The following PPP1R26 variants were observed in gnomAD, a reference collection of about 807,000 sequenced individuals.
PPP1R26 encodes 1A6/DRIM (down-regulated in metastasis) interacting protein.
In PPP1R26, 22 loss-of-function variants were observed where a neutral mutation model predicts 67.6. The observed-to-expected ratio is 0.33, with a 90% CI of 0.23 to 0.46. The LOEUF (loss-of-function observed/expected upper bound fraction) is 0.46. Among genes scored for constraint, PPP1R26 ranks in the 20% least tolerant of loss-of-function variants. PPP1R26 has a pLI of 1.00. For missense variants in PPP1R26, 1,602 were observed against 1,651.4 expected, an observed-to-expected ratio of 0.97 and a Z score of 0.52; for synonymous variants, 729 against 717.2, an observed-to-expected ratio of 1.02 and a Z score of -0.26.
Position 135,487,271 on chromosome 9 carries a change from A to G in PPP1R26, c.2761A>G (p.Ser921Gly). ...AGCACAGGGCACAGCTGGTCTGTTC[A>G]GCCAGGGCGGGAAGGGGCTCCCTGC... ...AGAQGTAGLF[S>G]QGGKGLPAAP... Residue 921 changes from serine (S) to glycine (G), a missense_variant, in exon 4 of 4, where the codon AGC (serine) becomes GGC (glycine). By Grantham distance (56) the Ser-to-Gly change is moderately conservative (BLOSUM62 0). Transcript: ENST00000356818. 1 of 1,560,122 alleles carries G rather than the reference A, an allele frequency of 6.4e-7. No individual in the cohort carries two copies. The highest frequency in any genetic ancestry group is 8.7e-7 in the Non-Finnish European group (1 of 1,154,060).
At position 135,488,302 on chromosome 9, in the gene PPP1R26, G is replaced by T; in HGVS notation, c.*162G>T. 1.8e-6 allele frequency: 2 copies of T among 1,136,996 alleles called. No individual in the cohort carries two copies. Among genetic ancestry groups the T allele is most frequent in the Non-Finnish European group, 2.3e-6 (2 of 887,608 alleles). 70.4% of individuals were successfully genotyped at this position (1,136,996 alleles called of 1,614,324 possible). ...AACATGAAACTTTTATTTAACAGACGTGTCCTGGTAAATATGATTTTTGTA... is the reference window on the plus strand; with the variant it reads ...AACATGAAACTTTTATTTAACAGACTTGTCCTGGTAAATATGATTTTTGTA... On this transcript the variant is annotated 3_prime_UTR_variant, in exon 4 of 4. Coordinates refer to ENST00000356818, the MANE Select transcript of PPP1R26 (RefSeq NM_014811.5).
chr9:135,486,032 G>T lies in PPP1R26; in HGVS notation c.1522G>T (p.Ala508Ser), dbSNP rs142927502. The change falls in exon 4 of 4, where the codon GCA becomes TCA. Residue 508 changes from alanine to serine, a missense_variant. Ala to Ser is a moderately conservative substitution (Grantham distance 99). Transcript: ENST00000356818. This position sits in a 1 kb window ranked among gnomAD's most constrained non-coding sequence, Gnocchi z 6.2. ...AGAGGGCAGTGACGGGTCCCTGTCC[G>T]CAAGCCCACTCTTCTACTCCCCGAA... ...PVEGSDGSLS[A>S]SPLFYSPNVP... 1 of 1,613,142 alleles carries T rather than the reference G, an allele frequency of 6.2e-7. No homozygotes were observed. Among genetic ancestry groups the T allele is most frequent in the Non-Finnish European group, 8.5e-7 (1 of 1,180,038 alleles).
Position 135,485,499 on chromosome 9 carries a change from C to G in PPP1R26, c.989C>G (p.Ala330Gly). ...KPATPCRPSE[A>G]AQNKGGIKRS... is the part of the protein sequence containing the mutation. ...GCAACCCCCTGCCGCCCTTCAGAAG[C>G]AGCACAGAATAAAGGTGGGATCAAA... The change falls in exon 4 of 4, where the codon GCA becomes GGA. Residue 330 changes from alanine to glycine, a missense_variant. Around this residue, in one of 5 missense-constraint regions of PPP1R26, gnomAD observed 680 missense variants for 726.1 expected, o/e 0.94. Coordinates refer to ENST00000356818, the MANE Select transcript of PPP1R26 (RefSeq NM_014811.5). This position sits in a 1 kb window ranked among gnomAD's most constrained non-coding sequence, Gnocchi z 7.2. 6.2e-7 allele frequency: 1 copy of G among 1,613,102 alleles called. No individual in the cohort carries two copies. Among genetic ancestry groups the G allele is most frequent in the Non-Finnish European group, 8.5e-7 (1 of 1,179,998 alleles).
intron 1 of PPP1R26, among the ~76,000 whole-genome samples, chr9:135,481,296 C>T (rs1441279699): frequency 1.4e-5 from 2 of 146,882 alleles, no homozygotes; most frequent in Non-Finnish European, 3.0e-5. Flanking sequence ...GGCTGGAGTG[C>T]AATGGCTGAT....
chr9:135,484,632 C>T lies in PPP1R26; in HGVS notation c.122C>T (p.Ala41Val), dbSNP rs367729948. Reference sequence around the variant, plus strand: ...GAGGCTGACGAGGGCGTGGAGAGCGCGTCGGTGAGCGCCCGGGTGCAGATG... The same window carrying T: ...GAGGCTGACGAGGGCGTGGAGAGCGTGTCGGTGAGCGCCCGGGTGCAGATG... ...FSEADEGVES[A>V]SVSARVQMLI... The change falls in exon 4 of 4, where the codon GCG (alanine) becomes GTG (valine). Residue 41 changes from alanine (A) to valine (V), a missense_variant. By Grantham distance (64) the Ala-to-Val change is moderately conservative. Coordinates refer to ENST00000356818, the MANE Select transcript of PPP1R26 (RefSeq NM_014811.5). The T allele has an allele frequency of 2.5e-5, 40 of 1,611,580 alleles. No individual in the cohort carries two copies. Among genetic ancestry groups the T allele is most frequent in the African/African-American group, 6.7e-5 (5 of 75,040 alleles).
At position 135,487,749 on chromosome 9, in the gene PPP1R26, C is replaced by T. The variant is rs1029751088; in HGVS notation, c.3239C>T (p.Pro1080Leu). The T allele has an allele frequency of 1.4e-6, 2 of 1,470,660 alleles. No homozygotes were observed. 91.1% of individuals were successfully genotyped at this position (1,470,660 alleles called of 1,614,324 possible). A position where few individuals can be genotyped will look rare whatever the true frequency, so the allele number is the denominator to read the frequency against. The change falls in exon 4 of 4, where the codon CCG becomes CTG. Residue 1080 changes from proline to leucine, a missense_variant. Pro to Leu is a moderately conservative substitution (Grantham distance 98). This residue lies in a region of PPP1R26 where 740 missense variants were observed against 696.3 expected (regional missense o/e 1.06). Coordinates refer to ENST00000356818, the MANE Select transcript of PPP1R26 (RefSeq NM_014811.5). ...AGCCTGCCCCTTGCGGGCTTCTCGC[C>T]GCTGCTGTCCACCCAGCTCTTCCAC... ...LPSLPLAGFS[P>L]LLSTQLFHFG...
chr9:135,484,327 G>A, intron 3 of PPP1R26, 122 bp from the exon 4 acceptor site: 1 of 611,872 alleles, frequency 1.6e-6, no homozygotes, highest in East Asian at 2.9e-5. Context: ...CTGGACGTTG[G>A]GCTCCACCCA....
rs1401601341 is a variant in PPP1R26, at chr9:135,484,615, C to T, written c.105C>T (p.Asp35=). 5 of 1,612,258 alleles carry T rather than the reference C, an allele frequency of 3.1e-6. No homozygotes were observed. The highest frequency in any genetic ancestry group is 4.5e-5 in the East Asian group (2 of 44,876). ...CRFPRCFSEA[D]EGVESASVSA... Reference sequence around the variant, plus strand: ...TCCCCAGGTGCTTCTCGGAGGCTGACGAGGGCGTGGAGAGCGCGTCGGTGA... The same window carrying T: ...TCCCCAGGTGCTTCTCGGAGGCTGATGAGGGCGTGGAGAGCGCGTCGGTGA... Residue 35 remains aspartate, a synonymous_variant, in exon 4 of 4, where the codon GAC becomes GAT. Transcript: ENST00000356818.
rs147220516 is a variant in PPP1R26, at chr9:135,481,293, G to A, written c.-329+1271G>A. Reference sequence around the variant, plus strand: ...GTCTCGCTTTGTCGCCCAGGCTGGAGTGCAATGGCTGATCTCGGCTCACTG... The same window carrying A: ...GTCTCGCTTTGTCGCCCAGGCTGGAATGCAATGGCTGATCTCGGCTCACTG... On this transcript the variant is annotated intron_variant, in intron 1 of 3. Transcript: ENST00000356818. 1.3e-3 allele frequency among the ~76,000 whole-genome samples: 197 copies of A among 149,370 alleles called. 1 individual carries two copies. The highest frequency in any genetic ancestry group is 4.6e-3 in the African/African-American group (185 of 40,426).
chr9:135,486,878 G>A lies in PPP1R26; in HGVS notation c.2368G>A (p.Ala790Thr), dbSNP rs370307254. Residue 790 changes from alanine (A) to threonine (T), a missense_variant, in exon 4 of 4, where the codon GCG (alanine) becomes ACG (threonine). Coordinates refer to ENST00000356818, the MANE Select transcript of PPP1R26 (RefSeq NM_014811.5). The surrounding 1 kb of genome is among the most constrained non-coding windows in gnomAD (Gnocchi z 6.2). ...GCAGGAGGGTGCCGCGAGCCAGGAC[G>A]CGGCCCTGGCCTTCCGGGTGAGGAG... The part of the protein sequence containing the change: ...MRQEGAASQD[A>T]ALAFRVRRPA... 9.9e-6 allele frequency: 16 copies of A among 1,612,236 alleles called. No homozygotes were observed. Among genetic ancestry groups the A allele is most frequent in the South Asian group, 5.5e-5 (5 of 91,048 alleles).
chr9:135,482,619 A>C (rs976816527), intron 1 of PPP1R26, 64 bp from the exon 2 acceptor site: 1 of 398,076 alleles, frequency 2.5e-6, no homozygotes, highest in Admixed American at 4.4e-5. Flanking sequence ...CCAAAAAAAA[A>C]AAATTTATCA....
At chr9:135,483,681 T>A in intron 2 of PPP1R26, 1 of 266,874 alleles carries the variant, frequency 3.7e-6, no homozygotes, top group Non-Finnish European at 6.9e-6. Flanking sequence ...TGAGCAGGTC[T>A]TCAAAGTGTC....
rs769111354 is a variant in PPP1R26, at chr9:135,486,491, A to T, written c.1981A>T (p.Met661Leu). 1 of 1,612,946 alleles carries T rather than the reference A, an allele frequency of 6.2e-7. No individual in the cohort carries two copies. The highest frequency in any genetic ancestry group is 1.1e-5 in the South Asian group (1 of 91,038). The change falls in exon 4 of 4, where the codon ATG (methionine) becomes TTG (leucine). Residue 661 changes from methionine to leucine, a missense_variant. By Grantham distance (15) the Met-to-Leu change is conservative. Transcript: ENST00000356818. The surrounding 1 kb of genome is among the most constrained non-coding windows in gnomAD (Gnocchi z 6.2). ...GTARGPGDTR[M>L]SQGQGKTDEA... ...CGCCAGGGGCCCTGGCGACACTCGC[A>T]TGTCACAGGGCCAGGGTAAGACAGA... is the stretch of plus-strand genomic sequence containing the variant.
intron 1 of PPP1R26, 127 bp from the exon 2 acceptor site, chr9:135,482,556 A>T (rs958327766): frequency 5.1e-6 from 2 of 395,832 alleles, no homozygotes; most frequent in African/African-American, 4.1e-5. Flanking sequence ...AATGTCTTAG[A>T]GTAAGTTCCT....
chr9:135,486,326 A>G lies in PPP1R26; in HGVS notation c.1816A>G (p.Thr606Ala), dbSNP rs764398391. 14 of 1,612,886 alleles carry G rather than the reference A, an allele frequency of 8.7e-6. No individual in the cohort carries two copies. Among genetic ancestry groups the G allele is most frequent in the Non-Finnish European group, 1.2e-5 (14 of 1,180,004 alleles). The change falls in exon 4 of 4, where the codon ACG becomes GCG. Residue 606 changes from threonine to alanine, a missense_variant. This residue lies in a region of PPP1R26 where 680 missense variants were observed against 726.1 expected (regional missense o/e 0.94). Transcript: ENST00000356818. The surrounding 1 kb of genome is among the most constrained non-coding windows in gnomAD (Gnocchi z 6.2). ...AGGTGGTGGCCATGTGAGGCCATCC[A>G]CGCCCAAGAAAATGCAGGAGGTGGT... ...RRGGGHVRPS[T>A]PKKMQEVVKD...
chr9:135,484,494 C>T lies in PPP1R26; in HGVS notation c.-17C>T, dbSNP rs1460698922. 2 of 1,556,280 alleles carry T rather than the reference C, an allele frequency of 1.3e-6. No homozygotes were observed. Among genetic ancestry groups the T allele is most frequent in the Admixed American group, 4.0e-5 (2 of 50,044 alleles). On this transcript the variant is annotated 5_prime_UTR_variant, in exon 4 of 4. Transcript: ENST00000356818. ...ATAAAGCATCGCCCCTCTGCGCGCC[C>T]CTCCCCGTCTGCTAGAATGTTTCTC...
At chr9:135,479,073 T>A (rs948826597), upstream of PPP1R26, 3 of 152,344 alleles carry the variant, frequency 2.0e-5, no homozygotes, top group Non-Finnish European at 4.4e-5. The surrounding 1 kb of genome is among the most constrained non-coding windows in gnomAD (Gnocchi z 5.9). Flanking sequence ...GGTCACATGG[T>A]CAGTGCACAG....
At position 135,484,615 on chromosome 9, in the gene PPP1R26, C is replaced by CGAGGGCGTG; in HGVS notation, c.109_117dup (p.Gly37_Glu39dup). On this transcript the variant is annotated inframe_insertion, in exon 4 of 4. Coordinates refer to ENST00000356818, the MANE Select transcript of PPP1R26 (RefSeq NM_014811.5). The stretch of plus-strand genomic sequence containing the variant: ...TCCCCAGGTGCTTCTCGGAGGCTGA[C>CGAGGGCGTG]GAGGGCGTGGAGAGCGCGTCGGTGA... 6 of 1,612,258 alleles carry CGAGGGCGTG rather than the reference C, an allele frequency of 3.7e-6. No individual in the cohort carries two copies. The highest frequency in any genetic ancestry group is 5.1e-6 in the Non-Finnish European group (6 of 1,180,024).
intron 1 of PPP1R26, among the ~76,000 whole-genome samples, chr9:135,482,373 T>C (rs151202467): frequency 6.9e-4 from 105 of 152,324 alleles, no homozygotes; most frequent in African/African-American, 2.5e-3. Flanking sequence ...GGGGATGTCA[T>C]GGGCTGCAGT....
Sources: allele counts gnomAD v4.1 joint callset (sites outside exome capture counted in the v4.1 genomes callset), GRCh38; gene constraint gnomAD v4.1.1; regional missense constraint gnomAD v4.1.1; non-coding constraint Gnocchi (gnomAD v3.1); transcripts MANE v1.5; gene names NCBI Gene and HGNC (gene_info 2026-07-23, HGNC 2026-07-21).